Variants in SIM2 observed in about 807,000 individuals in gnomAD.
SIM2 encodes single-minded homolog 2.
In SIM2, 28 loss-of-function variants were observed where a neutral mutation model predicts 64.8. The ratio of observed to expected loss-of-function variants is 0.43; its 90% confidence interval spans 0.32 to 0.59. The LOEUF is 0.59. SIM2 is among the 20% of genes least tolerant of loss of function. The pLI is 0.07. For missense variants in SIM2, 847 were observed against 871.4 expected, an observed-to-expected ratio of 0.97 and a Z score of 0.35; for synonymous variants, 408 against 391.1, an observed-to-expected ratio of 1.04 and a Z score of -0.51.
intron 7 of SIM2, among the ~76,000 whole-genome samples, chr21:36,739,967 CAA>C (rs548332516): frequency 5.2e-5 from 3 of 58,088 alleles, no homozygotes; most frequent in Middle Eastern, 0.011. Context: ...GACTCTGTCT[CAA>C]AAAAAAAAAA....
rs546056980 is a variant in SIM2, at chr21:36,726,115, C to G, written c.544-4C>G. The G allele has an allele frequency of 9.3e-6, 15 of 1,612,840 alleles. No individual in the cohort carries two copies. In the East Asian group the frequency reaches 3.1e-4, roughly 34 times the overall value. The stretch of plus-strand genomic sequence containing the variant: ...GTGGCTGACCCTGCCCTCTCCACTC[C>G]CAGGTCATCCACTGCAGTGGCTACT... On this transcript the variant is annotated splice_polypyrimidine_tract_variant and splice_region_variant and intron_variant, in intron 5 of 10. Coordinates refer to ENST00000290399, the MANE Select transcript of SIM2 (RefSeq NM_005069.6). This position sits in a 1 kb window ranked among gnomAD's most constrained non-coding sequence, Gnocchi z 4.5.
In SIM2 at chr21:36,731,123, G is replaced by A; in HGVS notation, c.822G>A (p.Val274=). The A allele has an allele frequency of 6.2e-7, 1 of 1,613,994 alleles. No individual in the cohort carries two copies. Among genetic ancestry groups the A allele is most frequent in the Non-Finnish European group, 8.5e-7 (1 of 1,180,004 alleles). ...TLYHHVHGCD[V]FHLRYAHHLL... is the part of the protein sequence containing the mutation. Reference sequence around the variant, plus strand: ...ACCATCACGTGCACGGCTGCGACGTGTTCCACCTCCGCTACGCACACCACC... The same window carrying A: ...ACCATCACGTGCACGGCTGCGACGTATTCCACCTCCGCTACGCACACCACC... Residue 274 remains valine, a synonymous_variant, in exon 7 of 11, where the codon GTG becomes GTA. Transcript: ENST00000290399.
chr21:36,736,198 A>G (rs2123484349), intron 7 of SIM2, among the ~76,000 whole-genome samples: 1 of 152,282 alleles, frequency 6.6e-6, no homozygotes, highest in African/African-American at 2.4e-5. Flanking sequence ...AGATGCCCAG[A>G]CGCATCTGTC....
intron 1 of SIM2, among the ~76,000 whole-genome samples, chr21:36,702,348 G>C (rs1017358719): frequency 6.6e-5 from 10 of 152,338 alleles, no homozygotes; most frequent in Non-Finnish European, 2.9e-5. Context: ...AAAGGGCCCT[G>C]AACCTGTTCG....
At chr21:36,701,865 G>A (rs2088503586) in intron 1 of SIM2, among the ~76,000 whole-genome samples, 1 of 152,234 alleles carries the variant, frequency 6.6e-6, no homozygotes, top group African/African-American at 2.4e-5. Context: ...ATGCAACAAA[G>A]CAGGTGTGGA....
At position 36,749,172 on chromosome 21, in the gene SIM2, G is replaced by A. The variant is rs1193686123; in HGVS notation, c.*1080G>A. 2 of 152,602 alleles carry A rather than the reference G, an allele frequency of 1.3e-5. No homozygotes were observed. Among genetic ancestry groups the A allele is most frequent in the Non-Finnish European group, 2.9e-5 (2 of 68,018 alleles). 9.5% of individuals were successfully genotyped at this position (152,602 alleles called of 1,614,324 possible). ...AAAGCACCAGCAGTGTTTAAAAAAT[G>A]AGCTTCCATTAATTTTTACTTTTTA... On this transcript the variant is annotated 3_prime_UTR_variant, in exon 11 of 11. Coordinates refer to ENST00000290399, the MANE Select transcript of SIM2 (RefSeq NM_005069.6).
chr21:36,733,388 C>A (rs936202053), intron 7 of SIM2, among the ~76,000 whole-genome samples: 2 of 151,838 alleles, frequency 1.3e-5, no homozygotes, highest in Admixed American at 6.6e-5. Flanking sequence ...CCACGCCTGG[C>A]TAATTTTTTT....
At chr21:36,707,095 A>G (rs2088594867) in intron 1 of SIM2, among the ~76,000 whole-genome samples, 4 of 152,214 alleles carry the variant, frequency 2.6e-5, no homozygotes, top group Admixed American at 2.0e-4. Flanking sequence ...CCCAGAGGCC[A>G]CGCTCACCGT....
At position 36,740,009 on chromosome 21, in the gene SIM2, GAGAAAGAAAGAAAGAAAGAAAGAAAGAA is replaced by G. The variant is rs71840582; in HGVS notation, c.851-1684_851-1657del. 1.1e-3 allele frequency among the ~76,000 whole-genome samples: 139 copies of G among 131,262 alleles called. 6 individuals carry two copies. In the South Asian group the frequency reaches 0.029, roughly 27 times the overall value. The allele number at this position is 131,262 out of a possible 152,430, so 86.1% of individuals were successfully genotyped here. A position where few individuals can be genotyped will look rare whatever the true frequency, so the allele number is the denominator to read the frequency against. ...AAAGAAGAGAAGAAAGAAAGAAAGA[GAGAAAGAAAGAAAGAAAGAAAGAAAGAA>G]AGAAAGAAAGAAAGAAAGAAAGAGA... On this transcript the variant is annotated intron_variant, in intron 7 of 10. Transcript: ENST00000290399.
intron 3 of SIM2, among the ~76,000 whole-genome samples, chr21:36,717,618 T>C (rs1488456080): frequency 6.6e-6 from 1 of 152,074 alleles, no homozygotes; most frequent in Admixed American, 6.5e-5. Flanking sequence ...CGGCTAATTT[T>C]TGTATTTTTA....
intron 7 of SIM2, 54 bp downstream of exon 7, chr21:36,731,205 C>T (rs2088964196): frequency 7.4e-7 from 1 of 1,343,966 alleles, no homozygotes; most frequent in Non-Finnish European, 1.1e-6. Flanking sequence ...GGAGGAGGCG[C>T]TGAGGACAGA....
At chr21:36,700,230 C>G (rs2088470725) in intron 1 of SIM2, among the ~76,000 whole-genome samples, 1 of 152,184 alleles carries the variant, frequency 6.6e-6, no homozygotes. Context: ...TTTGTTCTTT[C>G]TCCCTTTCCT....
chr21:36,739,030 C>A (rs2089117937), intron 7 of SIM2, among the ~76,000 whole-genome samples: 1 of 152,224 alleles, frequency 6.6e-6, no homozygotes, highest in Admixed American at 6.5e-5. Flanking sequence ...CCAACCCCCA[C>A]AATCTTCTCT....
intron 1 of SIM2, among the ~76,000 whole-genome samples, chr21:36,702,026 A>T (rs776647248): frequency 3.9e-5 from 6 of 152,250 alleles, no homozygotes; most frequent in Admixed American, 3.3e-4. Flanking sequence ...ACGGCTGCTC[A>T]GAAGCTGTTC....
chr21:36,723,542 C>T (rs949025829), intron 5 of SIM2, among the ~76,000 whole-genome samples: 1 of 152,226 alleles, frequency 6.6e-6, no homozygotes, highest in Non-Finnish European at 1.5e-5. Flanking sequence ...CCGCCGATGA[C>T]GGTGTGCACC....
rs187785352 is a variant in SIM2 at position 36,744,185 on chromosome 21, C to G, written c.1168-543C>G. On this transcript the variant is annotated intron_variant, in intron 9 of 10. Coordinates refer to ENST00000290399, the MANE Select transcript of SIM2 (RefSeq NM_005069.6). ...AGGTGGAGGTTGCAGTGAGCTGAGA[C>G]AGTGCCACTGCACTCCAGCCTGGGT... 1.4e-3 allele frequency among the ~76,000 whole-genome samples: 208 copies of G among 152,050 alleles called. 1 individual carries two copies. Among genetic ancestry groups the G allele is most frequent in the Admixed American group, 2.4e-3 (37 of 15,276 alleles).
At chr21:36,740,007 G>GAA (rs2089135818) in intron 7 of SIM2, among the ~76,000 whole-genome samples, 2 of 105,038 alleles carry the variant, frequency 1.9e-5, no homozygotes, top group African/African-American at 6.3e-5. Flanking sequence ...AAGAAAGAAA[G>GAA]AGAGAAAGAA....
rs192830930 is a variant in SIM2, at chr21:36,702,040, G to C, written c.175+2119G>C. On this transcript the variant is annotated intron_variant, in intron 1 of 10. Transcript: ENST00000290399. ...CACGGCTGCTCAGAAGCTGTTCGCT[G>C]TTTGAGGGATTTCCCGGAGAGCCTG... Among the ~76,000 whole-genome samples, 209 of 152,356 alleles carry C rather than the reference G, an allele frequency of 1.4e-3. 2 individuals carry two copies. Among genetic ancestry groups the C allele is most frequent in the Non-Finnish European group, 1.8e-3 (125 of 68,038 alleles).
intron 6 of SIM2, among the ~76,000 whole-genome samples, chr21:36,729,143 C>G (rs1568934494): frequency 1.3e-5 from 2 of 152,196 alleles, no homozygotes; most frequent in South Asian, 4.1e-4. Flanking sequence ...ACATGTGTTT[C>G]TGATTCATTT....
Sources: gnomAD v4.1 joint callset for allele counts (sites outside exome capture counted in the v4.1 genomes callset) on GRCh38, gnomAD v4.1.1 for gene constraint, Gnocchi (gnomAD v3.1) non-coding constraint, MANE v1.5 for transcripts, NCBI Gene and HGNC (gene_info 2026-07-23, HGNC 2026-07-21) for gene names.